PTK2: variants seen among roughly 807,000 people sequenced by gnomAD.
PTK2 encodes the protein focal adhesion kinase 1.
In PTK2, 45 loss-of-function variants were observed where a neutral mutation model predicts 150.1. The observed-to-expected ratio is 0.30, with a 90% CI of 0.24 to 0.38. The LOEUF (loss-of-function observed/expected upper bound fraction) is 0.38, where lower values mean the gene tolerates loss of function less well. Ranked by LOEUF, PTK2 falls within the 10% of genes least tolerant of loss-of-function variation. The pLI is 1.00. For missense variants in PTK2, 919 were observed against 1,307.3 expected (o/e 0.70, Z 4.58); for synonymous variants, 432 against 449.2 (o/e 0.96, Z 0.48).
At chr8:140,789,042 T>C (rs1420232587) in intron 14 of PTK2, among the ~76,000 whole-genome samples, 4 of 152,208 alleles carry the variant, frequency 2.6e-5, no homozygotes, top group Admixed American at 6.5e-5. Context: ...ATCTTAACTA[T>C]ATTTTTTAAA....
At chr8:140,892,694 A>G in intron 2 of PTK2, 1 of 390,568 alleles carries the variant, frequency 2.6e-6, no homozygotes, top group Non-Finnish European at 4.9e-6. Flanking sequence ...ACCAAGTCAA[A>G]AGATGCCAAA....
intron 16 of PTK2, among the ~76,000 whole-genome samples, chr8:140,760,414 A>AC (rs1448800532): frequency 1.3e-5 from 2 of 152,206 alleles, no homozygotes; most frequent in Non-Finnish European, 1.5e-5. Context: ...GGAATGAAGT[A>AC]CTAACACATA....
exon 23 of PTK2, chr8:140,717,676 T>G: frequency 1.9e-6 from 3 of 1,614,080 alleles, no homozygotes; most frequent in South Asian, 1.1e-5. Flanking sequence ...TCATGCGCTC[T>G]TCTTGCTGAG....
intron 16 of PTK2, among the ~76,000 whole-genome samples, chr8:140,759,287 AC>A (rs2100067818): frequency 6.6e-6 from 1 of 152,162 alleles, no homozygotes; most frequent in Non-Finnish European, 1.5e-5. Context: ...ATAAAATGGT[AC>A]AGCTGTGTTG....
At chr8:140,846,153 T>C (rs1028505368) in intron 7 of PTK2, 107 bp downstream of exon 7, 17 of 850,098 alleles carry the variant, frequency 2.0e-5, no homozygotes, top group South Asian at 4.2e-5. Flanking sequence ...CTTCTGGATA[T>C]AAAATTTTAG....
At chr8:140,909,154 C>T (rs2100162101) in intron 2 of PTK2, 1 of 153,702 alleles carries the variant, frequency 6.5e-6, no homozygotes. Context: ...GCCTGGGCAA[C>T]ACAGCGAGAC....
chr8:140,843,690 C>T (rs2100123623), intron 7 of PTK2, among the ~76,000 whole-genome samples: 1 of 152,108 alleles, frequency 6.6e-6, no homozygotes, highest in Non-Finnish European at 1.5e-5. Flanking sequence ...ATTCTCCCAT[C>T]AGGTTTTTTT....
intron 1 of PTK2, 64 bp downstream of exon 1, chr8:141,001,061 C>A: frequency 6.6e-6 from 1 of 151,766 alleles, no homozygotes; most frequent in South Asian, 2.0e-4. Context: ...AGCCCACGAC[C>A]GCTGCACAGA....
chr8:140,778,097 A>G (rs1347377762), intron 14 of PTK2, among the ~76,000 whole-genome samples: 4 of 151,982 alleles, frequency 2.6e-5, no homozygotes, highest in African/African-American at 7.2e-5. Flanking sequence ...GCACGTTGGG[A>G]AAAAAAACTA....
intron 7 of PTK2, among the ~76,000 whole-genome samples, chr8:140,835,418 G>T (rs1001861033): frequency 6.6e-6 from 1 of 152,122 alleles, no homozygotes; most frequent in African/African-American, 2.4e-5. Flanking sequence ...ACTTAAATAG[G>T]CATTTCCATG....
At chr8:140,834,495 A>C (rs926463329) in intron 7 of PTK2, among the ~76,000 whole-genome samples, 3 of 152,178 alleles carry the variant, frequency 2.0e-5, no homozygotes, top group African/African-American at 7.2e-5. Flanking sequence ...AGGACTAACA[A>C]AAACGGTTTC....
chr8:140,875,608 C>CTA, intron 4 of PTK2, among the ~76,000 whole-genome samples: 1 of 152,316 alleles, frequency 6.6e-6, no homozygotes, highest in East Asian at 1.9e-4. Context: ...GGATGGCTTA[C>CTA]ATTCTAAGAG....
intron 2 of PTK2, among the ~76,000 whole-genome samples, chr8:140,895,787 A>C (rs1459317163): frequency 6.6e-6 from 1 of 152,212 alleles, no homozygotes; most frequent in African/African-American, 2.4e-5. Flanking sequence ...GCCTGATGTG[A>C]TTATTATGCA....
intron 14 of PTK2, among the ~76,000 whole-genome samples, chr8:140,773,557 C>A (rs750190038): frequency 1.3e-5 from 2 of 152,138 alleles, no homozygotes; most frequent in African/African-American, 4.8e-5. Context: ...CCAGGCAGCA[C>A]ACACACAGGC....
rs374400129 is a variant in PTK2 at position 140,789,810 on chromosome 8, AATAAAAAT to A, written c.1125-292_1125-285del. 5.0e-3 allele frequency among the ~76,000 whole-genome samples: 763 copies of A among 152,320 alleles called. 4 individuals are homozygous for A. The highest frequency in any genetic ancestry group is 0.017 in the African/African-American group (721 of 41,580). ...AATTTAATCTGGTATGAATGGGTTA[AATAAAAAT>A]ATAAAAATATAAATTTAAATGCTAC... On this transcript the variant is annotated intron_variant, in intron 13 of 31. Transcript: ENST00000522684.
intron 16 of PTK2, among the ~76,000 whole-genome samples, chr8:140,752,775 AG>A (rs987032197): frequency 2.4e-4 from 37 of 152,248 alleles, no homozygotes; most frequent in African/African-American, 8.9e-4. Context: ...CTGCTGTATG[AG>A]GGGGACCTCA....
chr8:140,707,733 T>C (rs1207964669), intron 23 of PTK2, among the ~76,000 whole-genome samples: 1 of 152,194 alleles, frequency 6.6e-6, no homozygotes, highest in South Asian at 2.1e-4. Context: ...GGATAAATTG[T>C]ATGGTATGTA....
At chr8:140,734,934 G>T in intron 22 of PTK2, 1 of 438,360 alleles carries the variant, frequency 2.3e-6, no homozygotes. Flanking sequence ...AGAGATGGAG[G>T]GTTGTGTTAG....
chr8:140,862,493 A>C (rs2100136816), intron 5 of PTK2, among the ~76,000 whole-genome samples: 1 of 152,140 alleles, frequency 6.6e-6, no homozygotes, highest in Non-Finnish European at 1.5e-5. Context: ...CCATTTTACC[A>C]ACTTAACTCC....
Sources: gnomAD v4.1 joint callset for allele counts (sites outside exome capture counted in the v4.1 genomes callset) on GRCh38, gnomAD v4.1.1 for gene constraint, MANE v1.5 for transcripts, NCBI Gene and HGNC (gene_info 2026-07-23, HGNC 2026-07-21) for gene names.